The following BABAM2 variants were observed in gnomAD, a reference collection of about 807,000 sequenced individuals.
BABAM2 encodes BRISC and BRCA1 A complex member 2.
In BABAM2, 31 loss-of-function variants were observed where a neutral mutation model predicts 54.7. That is an observed-to-expected ratio of 0.57 (90% confidence interval 0.43 to 0.77). The LOEUF is 0.77. Among genes scored for constraint, BABAM2 ranks in the 30% least tolerant of loss-of-function variants. The pLI, the probability that BABAM2 is intolerant of heterozygous loss-of-function variation, is 0.00. For missense variants in BABAM2, 364 were observed against 455.8 expected (o/e 0.80, Z 1.83); for synonymous variants, 167 against 162.9 (o/e 1.03, Z -0.19).
chr2:28,087,177 T>C (rs765237041), intron 6 of BABAM2, among the ~76,000 whole-genome samples: 1 of 152,200 alleles, frequency 6.6e-6, no homozygotes, highest in Non-Finnish European at 1.5e-5. Flanking sequence ...TTTGGTCTCA[T>C]ATCTGGGGAT....
At chr2:27,964,835 C>A (rs1424488027) in intron 3 of BABAM2, among the ~76,000 whole-genome samples, 1 of 152,166 alleles carries the variant, frequency 6.6e-6, no homozygotes, top group Non-Finnish European at 1.5e-5. Flanking sequence ...TCATCACATT[C>A]TGTTCTTCTA....
intron 5 of BABAM2, among the ~76,000 whole-genome samples, chr2:28,030,153 A>G (rs1676189501): frequency 6.6e-6 from 1 of 152,184 alleles, no homozygotes; most frequent in Non-Finnish European, 1.5e-5. Flanking sequence ...TTTGTTACCT[A>G]ATAATTTTCA....
chr2:27,904,183 G>T (rs1054430072), intron 2 of BABAM2, among the ~76,000 whole-genome samples: 2 of 152,184 alleles, frequency 1.3e-5, no homozygotes, highest in Non-Finnish European at 2.9e-5. Context: ...TAAAACTTAT[G>T]AATTGTTTCT....
At chr2:28,052,649 A>G (rs1222621986) in intron 6 of BABAM2, among the ~76,000 whole-genome samples, 1 of 152,158 alleles carries the variant, frequency 6.6e-6, no homozygotes, top group African/African-American at 2.4e-5. Context: ...AAATATGATC[A>G]TTATATCAAT....
At chr2:28,250,109 G>T (rs138755020) in intron 10 of BABAM2, among the ~76,000 whole-genome samples, 2 of 152,242 alleles carry the variant, frequency 1.3e-5, no homozygotes, top group East Asian at 3.9e-4. Flanking sequence ...AGGAGATGCT[G>T]TGAGGTCTTC....
intron 6 of BABAM2, among the ~76,000 whole-genome samples, chr2:28,072,081 C>T (rs1664194710): frequency 6.6e-6 from 1 of 152,084 alleles, no homozygotes; most frequent in African/African-American, 2.4e-5. Flanking sequence ...AGTGCAGTGG[C>T]ACTATCATAA....
intron 10 of BABAM2, among the ~76,000 whole-genome samples, chr2:28,271,190 C>T (rs915234953): frequency 1.3e-5 from 2 of 152,218 alleles, no homozygotes; most frequent in Non-Finnish European, 2.9e-5. Context: ...CATATATGGA[C>T]GTCTTCAGAA....
chr2:27,942,690 TG>T (rs575792172), intron 3 of BABAM2, among the ~76,000 whole-genome samples: 83 of 152,262 alleles, frequency 5.5e-4, no homozygotes, highest in Non-Finnish European at 1.1e-3. Context: ...TGTAATAGGC[TG>T]TTCTTTAATT....
chr2:27,939,460 T>A (rs1395272398), intron 3 of BABAM2, among the ~76,000 whole-genome samples: 1 of 152,224 alleles, frequency 6.6e-6, no homozygotes, highest in Admixed American at 6.5e-5. Context: ...ATGCATAAAT[T>A]AATGAATCTT....
chr2:28,112,147 T>TTCCTTCCTTCCCTCCC (rs1558346715), intron 6 of BABAM2, among the ~76,000 whole-genome samples: 1 of 5,240 alleles, frequency 1.9e-4, no homozygotes, highest in Non-Finnish European at 3.2e-4. Context: ...CTTTCTTTCT[T>TTCCTTCCTTCCCTCCC]TACCTCCCTC....
rs565276417 is a variant in BABAM2, at chr2:28,150,210, C to G, written c.680+20830C>G. On this transcript the variant is annotated intron_variant, in intron 7 of 11. Coordinates refer to ENST00000379624, the MANE Select transcript of BABAM2 (RefSeq NM_199191.3). ...GTGAAGACACTCTAGTTCAGACAAGCTAAGTCTGTCTGTAGTTCAGACAAG... is the reference window on the plus strand; with the variant it reads ...GTGAAGACACTCTAGTTCAGACAAGGTAAGTCTGTCTGTAGTTCAGACAAG... Among the ~76,000 whole-genome samples the G allele has an allele frequency of 3.3e-5, 5 of 152,306 alleles. No homozygotes were observed. The East Asian group carries it at 9.6e-4, about 29-fold the overall frequency.
chr2:27,924,248 A>T (rs1420611904), intron 2 of BABAM2, among the ~76,000 whole-genome samples: 1 of 152,172 alleles, frequency 6.6e-6, no homozygotes, highest in Non-Finnish European at 1.5e-5. Context: ...GGAGTGGGTA[A>T]TACTCCCCAA....
At chr2:27,924,795 T>C (rs915751688) in intron 2 of BABAM2, among the ~76,000 whole-genome samples, 1 of 152,170 alleles carries the variant, frequency 6.6e-6, no homozygotes, top group African/African-American at 2.4e-5. Flanking sequence ...AGAGGTAACT[T>C]AAGAAGAGGA....
Position 27,929,742 on chromosome 2 carries a change from T to C in BABAM2, c.129-90T>C, listed in dbSNP as rs527242763. 28 of 1,149,848 alleles carry C rather than the reference T, an allele frequency of 2.4e-5. No individual in the cohort carries two copies. The South Asian group carries it at 3.5e-4, about 14-fold the overall frequency. 71.2% of individuals were successfully genotyped at this position (1,149,848 alleles called of 1,614,324 possible). On this transcript the variant is annotated intron_variant, in intron 2 of 11. Transcript: ENST00000379624. ...TGTTTTAATCTGTTTTGTATAAAGA[T>C]CCTGTTTTGTTTAGTATCATAAACA...
chr2:28,060,068 T>G (rs1413188921), intron 6 of BABAM2, among the ~76,000 whole-genome samples: 1 of 152,186 alleles, frequency 6.6e-6, no homozygotes, highest in Non-Finnish European at 1.5e-5. Flanking sequence ...TCCAGATGCA[T>G]CTGTCTCATA....
intron 2 of BABAM2, among the ~76,000 whole-genome samples, chr2:27,913,211 G>A (rs1287971616): frequency 1.3e-5 from 2 of 152,136 alleles, no homozygotes. Context: ...AGATTCATCA[G>A]ATTTATTCTT....
chr2:28,169,453 A>C (rs2147843910), intron 7 of BABAM2, among the ~76,000 whole-genome samples: 1 of 152,152 alleles, frequency 6.6e-6, no homozygotes, highest in South Asian at 2.1e-4. Context: ...CCCAATTTTT[A>C]TGTTCTTTGT....
intron 7 of BABAM2, among the ~76,000 whole-genome samples, chr2:28,141,659 C>T (rs1310256241): frequency 6.6e-6 from 1 of 152,152 alleles, no homozygotes; most frequent in Non-Finnish European, 1.5e-5. Flanking sequence ...GAGCTTTCCT[C>T]TTGTGTTAGG....
At chr2:28,250,901 A>G (rs909904346) in intron 10 of BABAM2, among the ~76,000 whole-genome samples, 1 of 152,190 alleles carries the variant, frequency 6.6e-6, no homozygotes, top group Admixed American at 6.6e-5. Context: ...GCCCAGCCAC[A>G]GTCTTATGTT....
Sources: gnomAD v4.1 joint callset for allele counts (sites outside exome capture counted in the v4.1 genomes callset) on GRCh38, gnomAD v4.1.1 for gene constraint, MANE v1.5 for transcripts, NCBI Gene and HGNC (gene_info 2026-07-23, HGNC 2026-07-21) for gene names.